Variants in GTF2B observed in about 807,000 individuals in gnomAD.
GTF2B encodes the protein general transcription factor IIB.
In GTF2B, 20 loss-of-function variants were observed where a neutral mutation model predicts 34.6. That is an observed-to-expected ratio of 0.58 (90% CI 0.41 to 0.84). The LOEUF (loss-of-function observed/expected upper bound fraction) is 0.84. GTF2B is among the 40% of genes least tolerant of loss of function. GTF2B has a pLI of 0.00. For missense variants in GTF2B, 237 were observed against 393.3 expected (o/e 0.60, Z 3.36); for synonymous variants, 142 against 132.4 (o/e 1.07, Z -0.50).
In GTF2B at chr1:88,875,255, G is replaced by A. The variant is rs542094357; in HGVS notation, c.125-11141C>T. Among the ~76,000 whole-genome samples, 113 of 152,222 alleles carry A rather than the reference G, an allele frequency of 7.4e-4. 1 individual carries two copies. Among genetic ancestry groups the A allele is most frequent in the Non-Finnish European group, 1.3e-3 (88 of 68,012 alleles). On this transcript the variant is annotated intron_variant, in intron 2 of 6. Transcript: ENST00000370500. ...GTTTATGTTGCCATAAATTGAGTAG[G>A]AACTCAACATGAATTATCTCCTAGA...
intron 1 of GTF2B, 48 bp from the exon 2 acceptor site, chr1:88,887,415 C>T (rs770663342): frequency 1.8e-6 from 2 of 1,098,164 alleles, no homozygotes; most frequent in Non-Finnish European, 2.8e-6. Flanking sequence ...CAACATGTAT[C>T]AAATTAATCT....
intron 3 of GTF2B, among the ~76,000 whole-genome samples, chr1:88,863,439 G>A (rs1673488439): frequency 6.6e-6 from 1 of 152,110 alleles, no homozygotes; most frequent in African/African-American, 2.4e-5. Context: ...CGCCTCCTGG[G>A]TTCAAGCAAT....
At chr1:88,869,253 C>A (rs1022131266) in intron 2 of GTF2B, among the ~76,000 whole-genome samples, 1 of 152,052 alleles carries the variant, frequency 6.6e-6, no homozygotes, top group Non-Finnish European at 1.5e-5. Context: ...GCAAATACTA[C>A]GTCATATTGT....
Position 88,857,636 on chromosome 1 carries a change from T to C in GTF2B, c.536-149A>G. The C allele has an allele frequency of 5.5e-6, 3 of 542,108 alleles. No individual in the cohort carries two copies. In the South Asian group the frequency reaches 7.5e-5, roughly 13 times the overall value. 33.6% of individuals were successfully genotyped at this position (542,108 alleles called of 1,614,324 possible). A position where few individuals can be genotyped will look rare whatever the true frequency, so the allele number is the denominator to read the frequency against. On this transcript the variant is annotated intron_variant, in intron 5 of 6. Coordinates refer to ENST00000370500, the MANE Select transcript of GTF2B (RefSeq NM_001514.6). ...GATGAAACCCTAATCATCTCAGTGATACTTCCCACAGAGTTAACTGCAAAT... is the reference window on the plus strand; with the variant it reads ...GATGAAACCCTAATCATCTCAGTGACACTTCCCACAGAGTTAACTGCAAAT...
At chr1:88,884,188 C>T (rs967154905) in intron 2 of GTF2B, among the ~76,000 whole-genome samples, 30 of 152,094 alleles carry the variant, frequency 2.0e-4, no homozygotes, top group African/African-American at 6.7e-4. Context: ...CCACCACGCC[C>T]GGCTAATTTT....
chr1:88,863,044 A>ACTT (rs2100966134), intron 3 of GTF2B, among the ~76,000 whole-genome samples: 1 of 152,272 alleles, frequency 6.6e-6, no homozygotes, highest in South Asian at 2.1e-4. Context: ...CCTCAGTAAT[A>ACTT]CCGTCACTAT....
chr1:88,889,355 G>A (rs1031946540), intron 1 of GTF2B, among the ~76,000 whole-genome samples: 1 of 152,188 alleles, frequency 6.6e-6, no homozygotes, highest in African/African-American at 2.4e-5. Context: ...GGTGGTGAAG[G>A]TGGTAACAGA....
chr1:88,871,121 C>T (rs992896505), intron 2 of GTF2B, among the ~76,000 whole-genome samples: 5 of 152,146 alleles, frequency 3.3e-5, no homozygotes, highest in Middle Eastern at 3.4e-3. Context: ...AGGCTGCTCT[C>T]GAACTCCTGG....
chr1:88,859,787 G>T, intron 5 of GTF2B, 95 bp downstream of exon 5: 1 of 1,076,760 alleles, frequency 9.3e-7, no homozygotes, highest in Non-Finnish European at 1.4e-6. Flanking sequence ...AGTGAGTCAA[G>T]ATTGCGCCAC....
intron 2 of GTF2B, among the ~76,000 whole-genome samples, chr1:88,885,007 T>A (rs1475220592): frequency 2.0e-5 from 3 of 152,238 alleles, no homozygotes; most frequent in Non-Finnish European, 4.4e-5. Context: ...CTGCAATTAG[T>A]ATGCTGAGCA....
chr1:88,864,160 T>C, intron 2 of GTF2B, 46 bp from the exon 3 acceptor site: 1 of 1,592,210 alleles, frequency 6.3e-7, no homozygotes, highest in Non-Finnish European at 8.6e-7. Flanking sequence ...AAGATAGGGT[T>C]TACTTAACTA....
chr1:88,864,734 GTAAACC>G (rs576321488), intron 2 of GTF2B, among the ~76,000 whole-genome samples: 34 of 152,184 alleles, frequency 2.2e-4, no homozygotes, highest in Non-Finnish European at 2.6e-4. Flanking sequence ...GCAGACACAA[GTAAACC>G]TTATTATTAC....
chr1:88,887,250 T>C lies in GTF2B; in HGVS notation c.124+11A>G, dbSNP rs557265690. ...ACAGTAATTTAAATTAAAACCATAATAACAACTCACCTACAACCAAGCCAC... is the reference window on the plus strand; with the variant it reads ...ACAGTAATTTAAATTAAAACCATAACAACAACTCACCTACAACCAAGCCAC... On this transcript the variant is annotated intron_variant, in intron 2 of 6. Coordinates refer to ENST00000370500, the MANE Select transcript of GTF2B (RefSeq NM_001514.6). 8 of 1,530,584 alleles carry C rather than the reference T, an allele frequency of 5.2e-6. No individual in the cohort carries two copies. The highest frequency in any genetic ancestry group is 3.4e-5 in the Admixed American group (2 of 58,898). 94.8% of individuals were successfully genotyped at this position (1,530,584 alleles called of 1,614,324 possible).
At chr1:88,882,592 C>G (rs1673976097) in intron 2 of GTF2B, among the ~76,000 whole-genome samples, 1 of 152,278 alleles carries the variant, frequency 6.6e-6, no homozygotes, top group East Asian at 1.9e-4. Context: ...ATAAAATTCT[C>G]TTTTGGGGAT....
chr1:88,853,423 G>C, intron 6 of GTF2B, 77 bp from the exon 7 acceptor site: 1 of 1,311,620 alleles, frequency 7.6e-7, no homozygotes, highest in Non-Finnish European at 1.1e-6. Context: ...TAATTTGTGA[G>C]ATATGATAGT....
intron 2 of GTF2B, among the ~76,000 whole-genome samples, chr1:88,879,037 T>C (rs1383790794): frequency 6.6e-6 from 1 of 152,136 alleles, no homozygotes; most frequent in Non-Finnish European, 1.5e-5. Flanking sequence ...TGTAAGCCAC[T>C]AAGTTTTGAG....
chr1:88,855,381 A>G (rs1001143154), intron 6 of GTF2B, among the ~76,000 whole-genome samples: 1 of 130,996 alleles, frequency 7.6e-6, no homozygotes, highest in Admixed American at 8.1e-5. Flanking sequence ...TTTTTTTGAG[A>G]CAGTCCTGTC....
intron 2 of GTF2B, among the ~76,000 whole-genome samples, chr1:88,867,309 T>C (rs1673583854): frequency 6.6e-6 from 1 of 152,262 alleles, no homozygotes; most frequent in Admixed American, 6.5e-5. Context: ...ATACTGTGCC[T>C]GTTTCATGAC....
rs532205865 is a variant in GTF2B at position 88,862,363 on chromosome 1, G to A, written c.258+1618C>T. Reference sequence around the variant, plus strand: ...TTGGGACAAGCCTGGGCAACATGGCGAAACTTTGTCTCTACAAAAAATACA... The same window carrying A: ...TTGGGACAAGCCTGGGCAACATGGCAAAACTTTGTCTCTACAAAAAATACA... On this transcript the variant is annotated intron_variant, in intron 3 of 6. Transcript: ENST00000370500. Among the ~76,000 whole-genome samples the A allele has an allele frequency of 4.6e-5, 7 of 152,206 alleles. No homozygotes were observed. In the South Asian group the frequency reaches 6.2e-4, roughly 14 times the overall value.
Sources: allele counts gnomAD v4.1 joint callset (sites outside exome capture counted in the v4.1 genomes callset), GRCh38; gene constraint gnomAD v4.1.1; transcripts MANE v1.5; gene names NCBI Gene and HGNC (gene_info 2026-07-23, HGNC 2026-07-21).